The following USO1 variants were observed in gnomAD, a reference collection of about 807,000 sequenced individuals.
USO1 encodes USO1 vesicle transport factor, also known as general vesicular transport factor p115.
A neutral mutation model predicts 124.5 loss-of-function variants in USO1; 57 were observed. That is an observed-to-expected ratio of 0.46 (90% CI 0.37 to 0.57). USO1 has a LOEUF of 0.57. Among genes scored for constraint, USO1 ranks in the 20% least tolerant of loss-of-function variants. USO1 has a pLI of 0.00. For synonymous variants in USO1, 369 were observed against 362.8 expected (o/e 1.02, Z -0.19); for missense variants, 900 against 1,040.6 (o/e 0.86, Z 1.86).
intron 14 of USO1, among the ~76,000 whole-genome samples, chr4:75,800,051 C>T (rs1401311039): frequency 6.6e-6 from 1 of 151,404 alleles, no homozygotes; most frequent in Non-Finnish European, 1.5e-5. Context: ...TCAAGCAATT[C>T]TCCTGCCTCA....
At position 75,810,494 on chromosome 4, in the gene USO1, A is replaced by G; in HGVS notation, c.2538A>G (p.Val846=). 2 of 1,613,204 alleles carry G rather than the reference A, an allele frequency of 1.2e-6. No homozygotes were observed. Among genetic ancestry groups the G allele is most frequent in the Non-Finnish European group, 1.7e-6 (2 of 1,179,612 alleles). Residue 846 remains valine (V), a synonymous_variant, in exon 22 of 24, where the codon GTA becomes GTG. Coordinates refer to ENST00000514213, the MANE Select transcript of USO1 (RefSeq NM_003715.4). ...TAATAGCCACCAAAACTACTGATGT[A>G]GAAGGAAGACTGTCAGCATTATTAC... is the stretch of plus-strand genomic sequence containing the variant. ...ETIIATKTTD[V]EGRLSALLQE... is the part of the protein sequence containing the mutation.
At chr4:75,807,690 C>T (rs997872373) in intron 20 of USO1, among the ~76,000 whole-genome samples, 1 of 151,992 alleles carries the variant, frequency 6.6e-6, no homozygotes, top group African/African-American at 2.4e-5. Context: ...TTAAGTGTAC[C>T]TATACTAGAA....
At chr4:75,805,701 T>C (rs1722979135) in intron 19 of USO1, among the ~76,000 whole-genome samples, 1 of 150,854 alleles carries the variant, frequency 6.6e-6, no homozygotes, top group African/African-American at 2.4e-5. Context: ...AGAGGGAGAC[T>C]TTCCATCTAA....
In USO1 at chr4:75,802,592, A is replaced by G. The variant is rs527476768; in HGVS notation, c.1986+1392A>G. ...ATCCTAAGGGAATTCTCCAAAATTCAGGAAAACAATTATATGGACTAAAAT... is the reference window on the plus strand; with the variant it reads ...ATCCTAAGGGAATTCTCCAAAATTCGGGAAAACAATTATATGGACTAAAAT... On this transcript the variant is annotated intron_variant, in intron 17 of 23. Coordinates refer to ENST00000514213, the MANE Select transcript of USO1 (RefSeq NM_003715.4). Among the ~76,000 whole-genome samples, 45 of 152,346 alleles carry G rather than the reference A, an allele frequency of 3.0e-4. 1 individual carries two copies. In the South Asian group the frequency reaches 8.9e-3, roughly 30 times the overall value.
At position 75,752,330 on chromosome 4, in the gene USO1, GT is replaced by G. The variant is rs1170236784; in HGVS notation, c.67-35del. 1.3e-5 allele frequency: 5 copies of G among 396,808 alleles called. No homozygotes were observed. The Admixed American group carries it at 1.3e-4, about 11-fold the overall frequency. The allele number at this position is 396,808 out of a possible 1,614,324, so 24.6% of individuals were successfully genotyped here. ...AAATTTAGGGGACAAAAATTTCACG[GT>G]TTTTTTTATTCTTTTAATGCCATTT... is the stretch of plus-strand genomic sequence containing the variant. On this transcript the variant is annotated intron_variant, in intron 1 of 23. Transcript: ENST00000514213.
chr4:75,738,871 T>A (rs968020684), intron 1 of USO1, among the ~76,000 whole-genome samples: 1 of 151,922 alleles, frequency 6.6e-6, no homozygotes, highest in African/African-American at 2.4e-5. Context: ...TTGGTTTATT[T>A]TTTTGGAGTC....
chr4:75,762,871 T>C (rs1721658548), intron 4 of USO1, among the ~76,000 whole-genome samples: 1 of 152,172 alleles, frequency 6.6e-6, no homozygotes, highest in Non-Finnish European at 1.5e-5. Flanking sequence ...GAGCTTGCAG[T>C]GAGCAGAGAT....
intron 9 of USO1, among the ~76,000 whole-genome samples, chr4:75,783,927 G>C (rs899578144): frequency 6.6e-6 from 1 of 152,154 alleles, no homozygotes; most frequent in Non-Finnish European, 1.5e-5. Context: ...TCAAATGTTG[G>C]TATTATACAT....
At chr4:75,743,187 G>A (rs552289327) in intron 1 of USO1, among the ~76,000 whole-genome samples, 13 of 151,814 alleles carry the variant, frequency 8.6e-5, no homozygotes, top group African/African-American at 1.5e-4. Flanking sequence ...GGGTTTCACC[G>A]TGTTAGCCAG....
intron 8 of USO1, among the ~76,000 whole-genome samples, chr4:75,780,299 C>T (rs1722181959): frequency 6.6e-6 from 1 of 152,046 alleles, no homozygotes; most frequent in African/African-American, 2.4e-5. Context: ...TGGAGTCTCG[C>T]ACTGTCACTT....
intron 1 of USO1, among the ~76,000 whole-genome samples, chr4:75,742,410 G>A (rs186078628): frequency 2.6e-5 from 4 of 152,256 alleles, no homozygotes; most frequent in Middle Eastern, 3.4e-3. Flanking sequence ...CTTGAATGTC[G>A]TTACGTAGGC....
chr4:75,735,883 T>G (rs1317026707), intron 1 of USO1, among the ~76,000 whole-genome samples: 1 of 152,202 alleles, frequency 6.6e-6, no homozygotes, highest in Non-Finnish European at 1.5e-5. Flanking sequence ...GTGTCTTTTT[T>G]GGTCATCTTT....
chr4:75,798,860 G>T (rs1722763636), intron 13 of USO1, among the ~76,000 whole-genome samples: 1 of 151,852 alleles, frequency 6.6e-6, no homozygotes, highest in Non-Finnish European at 1.5e-5. Flanking sequence ...ACAGGTTATA[G>T]GAATATAAAT....
chr4:75,785,641 T>C (rs1722341560), intron 9 of USO1, among the ~76,000 whole-genome samples: 1 of 152,134 alleles, frequency 6.6e-6, no homozygotes, highest in African/African-American at 2.4e-5. Flanking sequence ...TTAGATCTCT[T>C]TTTATCCTCA....
At chr4:75,795,608 C>T (rs567174271) in intron 13 of USO1, among the ~76,000 whole-genome samples, 2 of 152,222 alleles carry the variant, frequency 1.3e-5, no homozygotes, top group Non-Finnish European at 2.9e-5. Flanking sequence ...TCTGGGGATG[C>T]TTGCACTTTC....
chr4:75,778,664 A>G (rs1722137324), intron 8 of USO1, among the ~76,000 whole-genome samples: 1 of 152,200 alleles, frequency 6.6e-6, no homozygotes, highest in Non-Finnish European at 1.5e-5. Context: ...TTTTAGGGCC[A>G]TGAAACTATT....
intron 1 of USO1, among the ~76,000 whole-genome samples, chr4:75,746,204 AAG>A (rs1458171795): frequency 6.6e-6 from 1 of 152,202 alleles, no homozygotes; most frequent in African/African-American, 2.4e-5. Flanking sequence ...GGGAAGGAGA[AAG>A]AGCAATGAAG....
intron 5 of USO1, 22 bp from the exon 6 acceptor site, chr4:75,770,800 A>G (rs569008724): frequency 6.3e-7 from 1 of 1,587,318 alleles, no homozygotes; most frequent in Non-Finnish European, 8.5e-7. Flanking sequence ...GATGTTAAAT[A>G]TTTTGAATTC....
chr4:75,802,330 A>G (rs1279837220), intron 17 of USO1, among the ~76,000 whole-genome samples: 1 of 152,196 alleles, frequency 6.6e-6, no homozygotes, highest in Non-Finnish European at 1.5e-5. Context: ...AAATGTAATA[A>G]TATCTTTGGA....
Sources: allele counts gnomAD v4.1 joint callset (sites outside exome capture counted in the v4.1 genomes callset), GRCh38; gene constraint gnomAD v4.1.1; transcripts MANE v1.5; gene names NCBI Gene and HGNC (gene_info 2026-07-23, HGNC 2026-07-21).